Variants in UBE2B observed in about 807,000 individuals in gnomAD.
The protein encoded by UBE2B is ubiquitin-conjugating enzyme E2 B.
Under a neutral mutation model 24.6 loss-of-function variants are expected in UBE2B, and 11 were observed. That is an observed-to-expected ratio of 0.45 (90% CI 0.28 to 0.74). The LOEUF is 0.74. UBE2B is among the 30% of genes least tolerant of loss of function. The pLI, the probability that UBE2B is intolerant of heterozygous loss-of-function variation, is 0.13. For synonymous variants in UBE2B, 68 were observed against 62.4 expected (o/e 1.09, Z -0.42); for missense variants, 78 against 185.6 (o/e 0.42, Z 3.37).
At chr5:134,377,230 C>G (rs775164443) in intron 3 of UBE2B, among the ~76,000 whole-genome samples, 1 of 152,154 alleles carries the variant, frequency 6.6e-6, no homozygotes, top group Middle Eastern at 3.2e-3. Context: ...TTGAACTTAT[C>G]AAACTGATTT....
At chr5:134,374,552 G>A (rs1758566371) in intron 2 of UBE2B, 89 bp downstream of exon 2, 1 of 1,356,206 alleles carries the variant, frequency 7.4e-7, no homozygotes, top group Non-Finnish European at 1.0e-6. Context: ...AAGAAACTGA[G>A]GTGGAATGAG....
intron 4 of UBE2B, among the ~76,000 whole-genome samples, chr5:134,381,054 C>A (rs538185506): frequency 2.0e-5 from 3 of 149,930 alleles, no homozygotes; most frequent in African/African-American, 7.4e-5. Context: ...GCAAGCTCCG[C>A]CTCCCGGGTT....
chr5:134,382,932 C>A (rs542760500), intron 4 of UBE2B, among the ~76,000 whole-genome samples: 1 of 151,698 alleles, frequency 6.6e-6, no homozygotes, highest in Non-Finnish European at 1.5e-5. Context: ...TTTGGGAGGC[C>A]AAGGCAGGTG....
chr5:134,375,591 T>C (rs1758584319), intron 2 of UBE2B, among the ~76,000 whole-genome samples: 1 of 152,068 alleles, frequency 6.6e-6, no homozygotes, highest in Non-Finnish European at 1.5e-5. Flanking sequence ...AATTAAACTT[T>C]ATGCTCCATC....
chr5:134,381,360 A>G (rs1203693611), intron 4 of UBE2B, among the ~76,000 whole-genome samples: 1 of 152,130 alleles, frequency 6.6e-6, no homozygotes, highest in Non-Finnish European at 1.5e-5. Context: ...GGTTCAAGTA[A>G]TCCTCCTGCC....
At chr5:134,377,289 A>G (rs1371377341) in intron 3 of UBE2B, among the ~76,000 whole-genome samples, 3 of 152,228 alleles carry the variant, frequency 2.0e-5, no homozygotes, top group Non-Finnish European at 4.4e-5. Flanking sequence ...ATTTTAAGAA[A>G]TTATTAAACA....
At chr5:134,371,750 C>T in intron 1 of UBE2B, 111 bp downstream of exon 1, 6 of 1,503,514 alleles carry the variant, frequency 4.0e-6, no homozygotes, top group Non-Finnish European at 5.5e-6. Flanking sequence ...GGCTGTGGGC[C>T]CAGCGGGACT....
intron 1 of UBE2B, 144 bp from the exon 2 acceptor site, chr5:134,374,239 A>G: frequency 1.3e-6 from 1 of 743,822 alleles, no homozygotes; most frequent in Non-Finnish European, 2.3e-6. Context: ...TATTTAAGTC[A>G]TATGGTTCAT....
intron 3 of UBE2B, among the ~76,000 whole-genome samples, chr5:134,378,421 G>A (rs1005257570): frequency 2.6e-5 from 4 of 151,936 alleles, no homozygotes; most frequent in African/African-American, 7.3e-5. Context: ...TACCATGCCC[G>A]GCTAATTTTT....
chr5:134,383,473 C>CTATTTTTTTTTTTTT (rs1554114519), intron 4 of UBE2B, among the ~76,000 whole-genome samples: 2 of 80,042 alleles, frequency 2.5e-5, no homozygotes, highest in African/African-American at 1.1e-4. Flanking sequence ...CCATACCCAG[C>CTATTTTTTTTTTTTT]TTTTTTTTTT....
intron 2 of UBE2B, among the ~76,000 whole-genome samples, chr5:134,374,946 CAA>C (rs200071902): frequency 7.1e-6 from 1 of 140,380 alleles, no homozygotes; most frequent in African/African-American, 2.6e-5. Flanking sequence ...GATCCTGTAT[CAA>C]AAAAAAAAAG....
chr5:134,380,328 C>T (rs1275958247), intron 3 of UBE2B, among the ~76,000 whole-genome samples: 1 of 152,222 alleles, frequency 6.6e-6, no homozygotes, highest in Non-Finnish European at 1.5e-5. Context: ...CTGCAACCTC[C>T]ACCTCCTGGG....
At chr5:134,372,687 A>G (rs1476806296) in intron 1 of UBE2B, among the ~76,000 whole-genome samples, 3 of 152,168 alleles carry the variant, frequency 2.0e-5, no homozygotes, top group African/African-American at 7.2e-5. Context: ...TCTCTTAGCC[A>G]TTTAAAGGTA....
intron 3 of UBE2B, among the ~76,000 whole-genome samples, chr5:134,379,733 C>T (rs1174630841): frequency 1.3e-5 from 2 of 151,150 alleles, no homozygotes; most frequent in Non-Finnish European, 2.9e-5. Context: ...TCTTCATGTA[C>T]TTAAACTAAA....
intron 4 of UBE2B, among the ~76,000 whole-genome samples, chr5:134,384,825 T>C (rs1223304510): frequency 1.3e-5 from 2 of 152,162 alleles, no homozygotes; most frequent in African/African-American, 2.4e-5. Context: ...ATAACTATTA[T>C]CTTAGCAGTC....
rs1489653196 is a variant in UBE2B, at chr5:134,391,400, A to C, written c.*1047A>C. 6.6e-6 allele frequency: 1 copy of C among 152,494 alleles called. No homozygotes were observed. The highest frequency in any genetic ancestry group is 1.9e-4 in the East Asian group (1 of 5,202). The allele number at this position is 152,494 out of a possible 1,614,324, so 9.4% of individuals were successfully genotyped here. On this transcript the variant is annotated 3_prime_UTR_variant, in exon 6 of 6. Transcript: ENST00000265339. ...TTTTTTTTTTAATCTCCTGAGTTGT[A>C]TAAAAGTTGTACTGCATCTTAGTTT...
At position 134,371,648 on chromosome 5, in the gene UBE2B, C is replaced by A; in HGVS notation, c.44+9C>A. 1 of 1,613,382 alleles carries A rather than the reference C, an allele frequency of 6.2e-7. No individual in the cohort carries two copies. Among genetic ancestry groups the A allele is most frequent in the East Asian group, 2.2e-5 (1 of 44,856 alleles). Reference sequence around the variant, plus strand: ...ATGCGGGATTTCAAGCGGTAAGGGCCTTCACCTTCGCCTAGATGACGGCCC... The same window carrying A: ...ATGCGGGATTTCAAGCGGTAAGGGCATTCACCTTCGCCTAGATGACGGCCC... On this transcript the variant is annotated intron_variant, in intron 1 of 5. Coordinates refer to ENST00000265339, the MANE Select transcript of UBE2B (RefSeq NM_003337.4).
At position 134,390,311 on chromosome 5, in the gene UBE2B, A is replaced by G. The variant is rs1758880043; in HGVS notation, c.417A>G (p.Lys139=). The stretch of plus-strand genomic sequence containing the variant: ...AGGAAAACAAACGAGAATATGAGAA[A>G]AGAGTTTCGGCCATTGTTGAACAAA... The part of the protein sequence containing the change: ...LYQENKREYE[K]RVSAIVEQSW... Residue 139 remains lysine (K), a synonymous_variant, in exon 6 of 6, where the codon AAA becomes AAG. Transcript: ENST00000265339. The surrounding 1 kb of genome is among the most constrained non-coding windows in gnomAD (Gnocchi z 4.6). 1.2e-6 allele frequency: 2 copies of G among 1,614,156 alleles called. No homozygotes were observed. Among genetic ancestry groups the G allele is most frequent in the Non-Finnish European group, 1.7e-6 (2 of 1,180,006 alleles).
intron 4 of UBE2B, among the ~76,000 whole-genome samples, chr5:134,386,711 C>T (rs568423337): frequency 4.6e-4 from 70 of 151,886 alleles, no homozygotes; most frequent in Non-Finnish European, 8.7e-4. Context: ...TTTTGACATT[C>T]GGTCTTAGAA....
Sources: allele counts gnomAD v4.1 joint callset (sites outside exome capture counted in the v4.1 genomes callset), GRCh38; gene constraint gnomAD v4.1.1; non-coding constraint Gnocchi (gnomAD v3.1); transcripts MANE v1.5; gene names NCBI Gene and HGNC (gene_info 2026-07-23, HGNC 2026-07-21).